STARD13: variants seen among roughly 807,000 people sequenced by gnomAD.
The protein encoded by STARD13 is stAR-related lipid transfer protein 13.
Under a neutral mutation model 106.4 loss-of-function variants are expected in STARD13, and 62 were observed. That is an observed-to-expected ratio of 0.58 (90% CI 0.48 to 0.72). STARD13 has a LOEUF of 0.72. Among genes scored for constraint, STARD13 ranks in the 30% least tolerant of loss-of-function variants. The pLI, the probability that STARD13 is intolerant of heterozygous loss-of-function variation, is 0.00. For synonymous variants in STARD13, 565 were observed against 553.0 expected, an observed-to-expected ratio of 1.02 and a Z score of -0.31; for missense variants, 1,387 against 1,424.0, an observed-to-expected ratio of 0.97 and a Z score of 0.42.
chr13:33,517,553 C>T, the STARD13 span, among the ~76,000 whole-genome samples: 1 of 152,080 alleles, frequency 6.6e-6, no homozygotes, highest in Non-Finnish European at 1.5e-5. Context: ...TAAGACAGTT[C>T]TACATGGAGT....
chr13:33,646,484 T>C, the STARD13 span, among the ~76,000 whole-genome samples: 2 of 152,194 alleles, frequency 1.3e-5, no homozygotes, highest in Non-Finnish European at 2.9e-5. Flanking sequence ...CCACACATCA[T>C]GGCTGTCGGC....
intron 1 of STARD13, among the ~76,000 whole-genome samples, chr13:33,335,496 A>G (rs1229938817): frequency 3.3e-5 from 5 of 152,218 alleles, no homozygotes; most frequent in Non-Finnish European, 7.3e-5. Flanking sequence ...CTGGGGTCTC[A>G]TAAGTCATGA....
the STARD13 span, among the ~76,000 whole-genome samples, chr13:33,552,764 T>A: frequency 5.1e-4 from 77 of 152,276 alleles, no homozygotes; most frequent in Admixed American, 1.4e-3. Flanking sequence ...AAACTATGTT[T>A]CCATATATCA....
At chr13:33,229,730 T>C (rs530248525) in intron 1 of STARD13, among the ~76,000 whole-genome samples, 1 of 152,196 alleles carries the variant, frequency 6.6e-6, no homozygotes, top group Non-Finnish European at 1.5e-5. Context: ...AACCCTTTGT[T>C]TGGAAAACCT....
At chr13:33,455,294 T>C in the STARD13 span, among the ~76,000 whole-genome samples, 4 of 152,214 alleles carry the variant, frequency 2.6e-5, no homozygotes, top group African/African-American at 9.6e-5. Context: ...CTATCCATTA[T>C]CCTTTGACCA....
rs534350004 is a variant in STARD13, at chr13:33,159,612, C to A, written c.323+5725G>T. Among the ~76,000 whole-genome samples the A allele has an allele frequency of 2.6e-5, 4 of 152,246 alleles. No homozygotes were observed. In the East Asian group the frequency reaches 7.7e-4, roughly 29 times the overall value. ...TTCCTTAACATTTTAGACTTAAAAT[C>A]TTCAGGAAACTACTACAAAGCTACT... On this transcript the variant is annotated intron_variant, in intron 3 of 13. Transcript: ENST00000336934.
chr13:33,489,497 C>T, the STARD13 span, among the ~76,000 whole-genome samples: 1 of 152,190 alleles, frequency 6.6e-6, no homozygotes, highest in African/African-American at 2.4e-5. Context: ...ATGTCTAATA[C>T]ATGACTTAGA....
At chr13:33,400,493 G>T in the STARD13 span, among the ~76,000 whole-genome samples, 1 of 148,182 alleles carries the variant, frequency 6.7e-6, no homozygotes, top group South Asian at 2.1e-4. Context: ...ACAGAGTCTT[G>T]CTCTGTCCTC....
the STARD13 span, among the ~76,000 whole-genome samples, chr13:33,496,799 C>T: frequency 6.6e-6 from 1 of 151,850 alleles, no homozygotes; most frequent in Non-Finnish European, 1.5e-5. Flanking sequence ...AAATGTATGC[C>T]ATTTTGTCTC....
the STARD13 span, among the ~76,000 whole-genome samples, chr13:33,385,233 A>ATATATATATATG: frequency 1.7e-5 from 2 of 120,696 alleles, no homozygotes; most frequent in Non-Finnish European, 3.3e-5. Context: ...ATATATATAT[A>ATATATATATATG]TATATATATA....
At chr13:33,521,037 C>T in the STARD13 span, among the ~76,000 whole-genome samples, 2 of 152,136 alleles carry the variant, frequency 1.3e-5, no homozygotes, top group African/African-American at 4.8e-5. Flanking sequence ...CAGGACCCAT[C>T]ACCTACCTGT....
chr13:33,449,773 T>G, the STARD13 span, among the ~76,000 whole-genome samples: 5 of 152,282 alleles, frequency 3.3e-5, no homozygotes, highest in South Asian at 1.0e-3. Flanking sequence ...TTCTTCAATT[T>G]TTTTGTAGTT....
At chr13:33,399,625 C>T in the STARD13 span, among the ~76,000 whole-genome samples, 10 of 134,748 alleles carry the variant, frequency 7.4e-5, no homozygotes, top group South Asian at 2.5e-4. Context: ...GGCATGAACC[C>T]GGGAGGTGGA....
chr13:33,594,275 T>G, the STARD13 span, among the ~76,000 whole-genome samples: 1 of 152,144 alleles, frequency 6.6e-6, no homozygotes, highest in Non-Finnish European at 1.5e-5. Flanking sequence ...TGCTGAAATA[T>G]TATAGGCTTT....
the STARD13 span, among the ~76,000 whole-genome samples, chr13:33,367,227 T>G: frequency 1.3e-5 from 2 of 152,244 alleles, no homozygotes; most frequent in African/African-American, 4.8e-5. Flanking sequence ...TGACTACTTT[T>G]CTTTTACAAA....
In STARD13 at chr13:33,194,785, T is replaced by C. The variant is rs544378228; in HGVS notation, c.170-27163A>G. ...TTTTAAAAAATCAGAAACGAACAAC[T>C]CACTGTTTTTTTGAAAGGAGATTAT... On this transcript the variant is annotated intron_variant, in intron 1 of 13. Coordinates refer to ENST00000336934, the MANE Select transcript of STARD13 (RefSeq NM_178006.4). Among the ~76,000 whole-genome samples the C allele has an allele frequency of 7.0e-4, 106 of 152,304 alleles. 1 individual carries two copies. In the South Asian group the frequency reaches 9.1e-3, roughly 13 times the overall value.
the STARD13 span, among the ~76,000 whole-genome samples, chr13:33,410,536 C>T: frequency 2.2e-4 from 34 of 152,188 alleles, no homozygotes; most frequent in Non-Finnish European, 3.4e-4. Context: ...TGTCATTTCT[C>T]TCACCATCCA....
At chr13:33,516,759 A>G in the STARD13 span, among the ~76,000 whole-genome samples, 7 of 151,958 alleles carry the variant, frequency 4.6e-5, no homozygotes, top group Non-Finnish European at 8.8e-5. Flanking sequence ...CCAGATTTTG[A>G]GGACTTAGAA....
chr13:33,308,292 T>G (rs2138488545), intron 1 of STARD13, among the ~76,000 whole-genome samples: 1 of 152,300 alleles, frequency 6.6e-6, no homozygotes, highest in Non-Finnish European at 1.5e-5. Context: ...GTACAGACAG[T>G]GCATGGCGAA....
Sources: gnomAD v4.1 joint callset for allele counts (sites outside exome capture counted in the v4.1 genomes callset) on GRCh38, gnomAD v4.1.1 for gene constraint, MANE v1.5 for transcripts, NCBI Gene and HGNC (gene_info 2026-07-23, HGNC 2026-07-21) for gene names.